BEGAIN: variants seen among roughly 807,000 people sequenced by gnomAD.
The protein encoded by BEGAIN is brain enriched guanylate kinase associated.
In BEGAIN, 19 loss-of-function variants were observed where a neutral mutation model predicts 35.8. The ratio of observed to expected loss-of-function variants is 0.53; its 90% CI spans 0.37 to 0.78. The LOEUF (loss-of-function observed/expected upper bound fraction) is 0.78, where lower values mean the gene tolerates loss of function less well. Among genes scored for constraint, BEGAIN ranks in the 30% least tolerant of loss-of-function variants. The pLI, the probability that BEGAIN is intolerant of heterozygous loss-of-function variation, is 0.00. For synonymous variants in BEGAIN, 462 were observed against 388.6 expected (o/e 1.19, Z -2.22); for missense variants, 795 against 853.6 (o/e 0.93, Z 0.85).
At chr14:100,548,225 C>T (rs904799825) in intron 2 of BEGAIN, 5 of 152,150 alleles carry the variant, frequency 3.3e-5, no homozygotes, top group Admixed American at 2.6e-4. Context: ...CTCCTTCCAC[C>T]TCCTCCAGGC....
At chr14:100,582,079 G>C (rs2035329555) in intron 1 of BEGAIN, among the ~76,000 whole-genome samples, 1 of 152,236 alleles carries the variant, frequency 6.6e-6, no homozygotes, top group Non-Finnish European at 1.5e-5. Context: ...GGCCAGCAGA[G>C]GTGTGGTCAC....
chr14:100,582,928 G>A (rs1042736936), intron 1 of BEGAIN, among the ~76,000 whole-genome samples: 1 of 151,524 alleles, frequency 6.6e-6, no homozygotes, highest in Admixed American at 6.6e-5. Context: ...GGGACATGGG[G>A]GTCTGTGAGC....
rs768259043 is a variant in BEGAIN at position 100,539,048 on chromosome 14, A to T, written c.760T>A (p.Cys254Ser). 1 of 1,612,370 alleles carries T rather than the reference A, an allele frequency of 6.2e-7. No individual in the cohort carries two copies. Among genetic ancestry groups the T allele is most frequent in the Non-Finnish European group, 8.5e-7 (1 of 1,179,582 alleles). The change falls in exon 7 of 7, where the codon TGC becomes AGC. Residue 254 changes from cysteine (C) to serine (S), a missense_variant. Around this residue, in one of 3 missense-constraint regions of BEGAIN, gnomAD observed 664 missense variants for 647.7 expected, o/e 1.03. Transcript: ENST00000554140. The part of the protein sequence containing the change: ...DIYCSDTALY[C>S]PEERRRDRRP... ...CGGTCTCGCCGCCGCTCCTCCGGGC[A>T]GTAGAGGGCTGTGTCACTGCAGTAG...
In BEGAIN at chr14:100,539,036, G is replaced by A. The variant is rs781764824; in HGVS notation, c.772C>T (p.Arg258Trp). ...SDTALYCPEE[R>W]RRDRRPSVDA... ...ACGCTAGGCCGCCGGTCTCGCCGCC[G>A]CTCCTCCGGGCAGTAGAGGGCTGTG... The change falls in exon 7 of 7, where the codon CGG becomes TGG. Residue 258 changes from arginine (R) to tryptophan (W), a missense_variant. Physicochemically the swap from Arg to Trp is moderately radical, Grantham distance 101. Transcript: ENST00000554140. 2.5e-6 allele frequency: 4 copies of A among 1,612,012 alleles called. No homozygotes were observed. The highest frequency in any genetic ancestry group is 3.4e-6 in the Non-Finnish European group (4 of 1,179,474).
Position 100,538,695 on chromosome 14 carries a change from G to A in BEGAIN, c.1113C>T (p.Ala371=), listed in dbSNP as rs772847446. The A allele has an allele frequency of 1.3e-6, 2 of 1,558,592 alleles. No homozygotes were observed. The highest frequency in any genetic ancestry group is 1.7e-6 in the Non-Finnish European group (2 of 1,151,564). ...CCAGCGGGGCCGCCACCGCGGCCGT[G>A]GCCTTGGCAAAGCGAGGGCTGCCCT... is the stretch of plus-strand genomic sequence containing the variant. ...TYEGSPRFAK[A]TAAVAAPLEA... Residue 371 remains alanine, a synonymous_variant, in exon 7 of 7, where the codon GCC becomes GCT. Coordinates refer to ENST00000554140, the MANE Select transcript of BEGAIN (RefSeq NM_001385089.1).
In BEGAIN at chr14:100,586,812, G is replaced by C. The variant is rs1297131240; in HGVS notation, c.42+437C>G. Among the ~76,000 whole-genome samples, 1 of 152,114 alleles carries C rather than the reference G, an allele frequency of 6.6e-6. No homozygotes were observed. The highest frequency in any genetic ancestry group is 1.9e-4 in the East Asian group (1 of 5,162). ...CCTTCCGGCTCCCGGGCCTTTCTCC[G>C]GCCTCCCAAGCAGGGGCTGGCCCTG... On this transcript the variant is annotated intron_variant, in intron 1 of 6. Transcript: ENST00000554140. This position sits in a 1 kb window ranked among gnomAD's most constrained non-coding sequence, Gnocchi z 4.9.
intron 1 of BEGAIN, among the ~76,000 whole-genome samples, chr14:100,570,260 C>T (rs968342511): frequency 3.3e-5 from 5 of 152,204 alleles, no homozygotes; most frequent in East Asian, 1.9e-4. Context: ...GATGGGAATT[C>T]CCCCCACCCC....
Position 100,586,074 on chromosome 14 carries a change from G to T in BEGAIN, c.42+1175C>A, listed in dbSNP as rs1278884534. Among the ~76,000 whole-genome samples, 1 of 152,234 alleles carries T rather than the reference G, an allele frequency of 6.6e-6. No individual in the cohort carries two copies. Among genetic ancestry groups the T allele is most frequent in the African/African-American group, 2.4e-5 (1 of 41,464 alleles). On this transcript the variant is annotated intron_variant, in intron 1 of 6. Transcript: ENST00000554140. This position sits in a 1 kb window ranked among gnomAD's most constrained non-coding sequence, Gnocchi z 4.9. Reference sequence around the variant, plus strand: ...ATGCCAGGCAGAGCCACCCCCAACGGCCAGTTGCCCCTGCTGGCAAGACCA... The same window carrying T: ...ATGCCAGGCAGAGCCACCCCCAACGTCCAGTTGCCCCTGCTGGCAAGACCA...
Position 100,568,129 on chromosome 14 carries a change from G to T in BEGAIN, c.43-190C>A. 9.9e-7 allele frequency: 1 copy of T among 1,006,246 alleles called. No homozygotes were observed. Among genetic ancestry groups the T allele is most frequent in the Non-Finnish European group, 1.2e-6 (1 of 842,966 alleles). 62.3% of individuals were successfully genotyped at this position (1,006,246 alleles called of 1,614,324 possible). On this transcript the variant is annotated intron_variant, in intron 1 of 6. Coordinates refer to ENST00000554140, the MANE Select transcript of BEGAIN (RefSeq NM_001385089.1). The surrounding 1 kb of genome is among the most constrained non-coding windows in gnomAD (Gnocchi z 7.5). The stretch of plus-strand genomic sequence containing the variant: ...CGTGACTCAGTGGGCGCGCCGGGCC[G>T]CGGCCGAGTAACAGGTGAGCCCGCC...
chr14:100,566,831 C>T (rs1405067547), intron 2 of BEGAIN, among the ~76,000 whole-genome samples: 1 of 152,172 alleles, frequency 6.6e-6, no homozygotes, highest in African/African-American at 2.4e-5. Context: ...GCTCCATGGC[C>T]CAGGAGATGG....
In BEGAIN at chr14:100,546,844, G is replaced by A. The variant is rs1489365489; in HGVS notation, c.72-182C>T. The A allele has an allele frequency of 9.9e-6, 5 of 507,160 alleles. No individual in the cohort carries two copies. In the African/African-American group the frequency reaches 1.0e-4, roughly 10 times the overall value. 31.4% of individuals were successfully genotyped at this position (507,160 alleles called of 1,614,324 possible). On this transcript the variant is annotated intron_variant, in intron 2 of 6. Transcript: ENST00000554140. ...CACACCCAGCCTCCCGGGCGTCACT[G>A]AAGACCATGGCGCCCCAGAGTCAGG... is the stretch of plus-strand genomic sequence containing the variant.
chr14:100,546,778 GCGCACA>G (rs879152224), intron 2 of BEGAIN, 116 bp from the exon 3 acceptor site: 20,478 of 538,796 alleles, frequency 0.038, 265 homozygotes, highest in East Asian at 0.16. Flanking sequence ...GCGCGCGCGC[GCGCACA>G]CACACACACA....
At chr14:100,545,288 G>C (rs2032220994) in intron 3 of BEGAIN, 5 of 1,378,538 alleles carry the variant, frequency 3.6e-6, no homozygotes, top group Non-Finnish European at 3.8e-6. Flanking sequence ...GCCCAGGACT[G>C]TATTTCCCCC....
At chr14:100,570,996 G>T (rs967852899) in intron 1 of BEGAIN, among the ~76,000 whole-genome samples, 3 of 152,116 alleles carry the variant, frequency 2.0e-5, no homozygotes, top group Non-Finnish European at 4.4e-5. Flanking sequence ...GTGCCCCAGG[G>T]TTCCCACTGT....
In BEGAIN at chr14:100,538,238, G is replaced by A. The variant is rs962595600; in HGVS notation, c.1570C>T (p.Arg524Cys). 11 of 1,569,928 alleles carry A rather than the reference G, an allele frequency of 7.0e-6. No homozygotes were observed. Among genetic ancestry groups the A allele is most frequent in the South Asian group, 2.3e-5 (2 of 86,702 alleles). Residue 524 changes from arginine to cysteine, a missense_variant, in exon 7 of 7, where the codon CGC (arginine) becomes TGC (cysteine). Physicochemically the swap from Arg to Cys is radical, Grantham distance 180 (BLOSUM62 -3). Coordinates refer to ENST00000554140, the MANE Select transcript of BEGAIN (RefSeq NM_001385089.1). Reference protein sequence around the residue: ...AGGDLSLSPGRSADPLPGYAP... With the variant: ...AGGDLSLSPGCSADPLPGYAP... ...TAGCCGGGCAGTGGGTCAGCCGAGC[G>A]GCCGGGACTGAGGCTCAGGTCGCCG...
In BEGAIN at chr14:100,538,712, G is replaced by T; in HGVS notation, c.1096C>A (p.Pro366Thr). Residue 366 changes from proline (P) to threonine (T), a missense_variant, in exon 7 of 7, where the codon CCT (proline) becomes ACT (threonine). Physicochemically the swap from Pro to Thr is conservative, Grantham distance 38. Coordinates refer to ENST00000554140, the MANE Select transcript of BEGAIN (RefSeq NM_001385089.1). The stretch of plus-strand genomic sequence containing the variant: ...GCGGCCGTGGCCTTGGCAAAGCGAG[G>T]GCTGCCCTCGTAGGTGGTGGCGGGT... The part of the protein sequence containing the change: ...KPPATTYEGS[P>T]RFAKATAAVA... 5 of 1,563,814 alleles carry T rather than the reference G, an allele frequency of 3.2e-6. No homozygotes were observed. Among genetic ancestry groups the T allele is most frequent in the South Asian group, 1.2e-5 (1 of 85,174 alleles).
intron 2 of BEGAIN, among the ~76,000 whole-genome samples, chr14:100,559,609 C>T (rs1329887502): frequency 1.3e-5 from 2 of 152,256 alleles, no homozygotes; most frequent in Non-Finnish European, 2.9e-5. Flanking sequence ...CTCACCACTG[C>T]AAACAGATGT....
In BEGAIN at chr14:100,557,641, C is replaced by G. The variant is rs547839351; in HGVS notation, c.71+10270G>C. Among the ~76,000 whole-genome samples the G allele has an allele frequency of 1.4e-4, 22 of 152,062 alleles. No individual in the cohort carries two copies. The South Asian group carries it at 4.1e-3, about 28-fold the overall frequency. ...TCATTGTACTAAGGGTACAATCTCT[C>G]CATCCACTGGGCTCCTGCACCCACA... On this transcript the variant is annotated intron_variant, in intron 2 of 6. Transcript: ENST00000554140.
intron 2 of BEGAIN, among the ~76,000 whole-genome samples, chr14:100,561,837 G>A (rs1442840429): frequency 6.6e-6 from 1 of 152,146 alleles, no homozygotes; most frequent in African/African-American, 2.4e-5. Flanking sequence ...GCCTTGCAGA[G>A]GAGTGGGAAC....
Sources: gnomAD v4.1 joint callset for allele counts (sites outside exome capture counted in the v4.1 genomes callset) on GRCh38, gnomAD v4.1.1 for gene constraint, gnomAD v4.1.1 regional missense constraint, Gnocchi (gnomAD v3.1) non-coding constraint, MANE v1.5 for transcripts, NCBI Gene and HGNC (gene_info 2026-07-23, HGNC 2026-07-21) for gene names.